Variants in PCDH15 observed in about 807,000 individuals in gnomAD.
The protein encoded by PCDH15 is protocadherin-15.
Under a neutral mutation model 178.5 loss-of-function variants are expected in PCDH15, and 129 were observed. The observed-to-expected ratio is 0.72, with a 90% confidence interval of 0.63 to 0.84. PCDH15 has a LOEUF of 0.84. PCDH15 is among the 40% of genes least tolerant of loss of function. The pLI, the probability that PCDH15 is intolerant of heterozygous loss-of-function variation, is 0.00. For missense variants in PCDH15, 2,230 were observed against 2,099.9 expected, an observed-to-expected ratio of 1.06 and a Z score of -1.21; for synonymous variants, 800 against 732.0, an observed-to-expected ratio of 1.09 and a Z score of -1.50.
rs941667055 is a variant in PCDH15, at chr10:55,211,089, C to A, written c.-155-44438G>T. 3.9e-5 allele frequency among the ~76,000 whole-genome samples: 6 copies of A among 152,076 alleles called. No homozygotes were observed. In the South Asian group the frequency reaches 1.2e-3, roughly 32 times the overall value. The stretch of plus-strand genomic sequence containing the variant: ...GGAGGGAACAGAGACTAGCATCAGC[C>A]CAGCTAGCCTTAGAAATGGCAGGGT... On this transcript the variant is annotated intron_variant, in intron 1 of 5. Coordinates refer to the PCDH15 transcript ENST00000458638.
intron 2 of PCDH15, among the ~76,000 whole-genome samples, chr10:54,657,005 A>G (rs1364657383): frequency 6.6e-6 from 1 of 152,172 alleles, no homozygotes; most frequent in Non-Finnish European, 1.5e-5. Context: ...AGAGGCTTCC[A>G]TGAAGAGTAA....
At chr10:53,835,447 T>C (rs1163256741) in intron 29 of PCDH15, among the ~76,000 whole-genome samples, 1 of 152,170 alleles carries the variant, frequency 6.6e-6, no homozygotes, top group Non-Finnish European at 1.5e-5. Context: ...AATATGGCTA[T>C]TAACAGCAAC....
At chr10:53,909,110 G>A (rs2082885266) in intron 25 of PCDH15, among the ~76,000 whole-genome samples, 1 of 152,162 alleles carries the variant, frequency 6.6e-6, no homozygotes, top group Non-Finnish European at 1.5e-5. Flanking sequence ...GAGGTGATCA[G>A]ATCATGGGGG....
At chr10:54,594,783 CCT>C in intron 2 of PCDH15, among the ~76,000 whole-genome samples, 1 of 152,146 alleles carries the variant, frequency 6.6e-6, no homozygotes, top group Non-Finnish European at 1.5e-5. Context: ...CCCTTCTCCC[CCT>C]GTTGCACTGC....
intron 25 of PCDH15, among the ~76,000 whole-genome samples, chr10:53,935,784 G>A (rs1439678908): frequency 4.6e-5 from 7 of 151,710 alleles, no homozygotes; most frequent in African/African-American, 1.5e-4. Flanking sequence ...TCCTATAGTT[G>A]GTGGACCTCA....
At chr10:54,389,710 G>A (rs867950387) in intron 3 of PCDH15, among the ~76,000 whole-genome samples, 10 of 151,664 alleles carry the variant, frequency 6.6e-5, no homozygotes, top group Non-Finnish European at 1.2e-4. Context: ...AGGCCGAGGC[G>A]GGTGGATCAC....
At chr10:54,143,460 G>A (rs530575624) in intron 14 of PCDH15, among the ~76,000 whole-genome samples, 1 of 152,208 alleles carries the variant, frequency 6.6e-6, no homozygotes, top group African/African-American at 2.4e-5. Context: ...CTTCTTTGGT[G>A]TTCGTGAAAA....
At chr10:54,938,288 T>TCTAGC (rs1564646264) in intron 2 of PCDH15, among the ~76,000 whole-genome samples, 15 of 145,398 alleles carry the variant, frequency 1.0e-4, no homozygotes, top group Admixed American at 3.6e-4. Context: ...AATATTTCGG[T>TCTAGC]TTAGCATAGT....
intron 2 of PCDH15, among the ~76,000 whole-genome samples, chr10:55,116,131 G>A (rs1837623038): frequency 6.6e-6 from 1 of 152,096 alleles, no homozygotes; most frequent in South Asian, 2.1e-4. Flanking sequence ...ATTATGATAG[G>A]ATAGGTAAGT....
intron 7 of PCDH15, among the ~76,000 whole-genome samples, chr10:54,327,767 G>A (rs543819987): frequency 2.6e-5 from 4 of 152,022 alleles, no homozygotes; most frequent in South Asian, 2.1e-4. Flanking sequence ...AGATTACAAC[G>A]CTTAGGAGTC....
intron 5 of PCDH15, among the ~76,000 whole-genome samples, chr10:54,357,271 C>T (rs1341576995): frequency 6.6e-6 from 1 of 152,168 alleles, no homozygotes; most frequent in African/African-American, 2.4e-5. Flanking sequence ...ACCCCACTGT[C>T]TCAGCCCAAA....
intron 1 of PCDH15, among the ~76,000 whole-genome samples, chr10:55,203,203 G>A (rs1396005297): frequency 6.6e-6 from 1 of 152,044 alleles, no homozygotes; most frequent in South Asian, 2.1e-4. Flanking sequence ...AGGGATGAGT[G>A]TCAGCTCTGT....
intron 1 of PCDH15, among the ~76,000 whole-genome samples, chr10:54,727,818 A>G (rs1240985636): frequency 1.3e-5 from 2 of 151,510 alleles, no homozygotes. Flanking sequence ...CTAGTCACAT[A>G]AACTAGAAAA....
chr10:54,732,875 T>G (rs1032648859), intron 1 of PCDH15, among the ~76,000 whole-genome samples: 6 of 151,558 alleles, frequency 4.0e-5, no homozygotes, highest in African/African-American at 1.5e-4. Context: ...AGAGCCTGTT[T>G]CAACATCAGA....
At chr10:54,205,418 T>G (rs1313358926) in intron 10 of PCDH15, among the ~76,000 whole-genome samples, 1 of 151,480 alleles carries the variant, frequency 6.6e-6, no homozygotes, top group Non-Finnish European at 1.5e-5. Context: ...TCACTGAAGC[T>G]CTACAAAAGC....
intron 2 of PCDH15, among the ~76,000 whole-genome samples, chr10:54,609,997 A>G (rs528152926): frequency 2.0e-5 from 3 of 152,072 alleles, no homozygotes; most frequent in African/African-American, 7.2e-5. Context: ...TGATACTTTT[A>G]TTAACAATAC....
chr10:54,694,912 G>T (rs1373183461), intron 1 of PCDH15, among the ~76,000 whole-genome samples: 2 of 152,068 alleles, frequency 1.3e-5, no homozygotes, highest in East Asian at 3.9e-4. Flanking sequence ...CATGTTGAAA[G>T]CCCAGAGGCC....
At chr10:55,169,627 T>C (rs1170348372) in intron 1 of PCDH15, among the ~76,000 whole-genome samples, 3 of 152,184 alleles carry the variant, frequency 2.0e-5, no homozygotes, top group African/African-American at 7.2e-5. Context: ...GGCAATACTT[T>C]GATTTGTGAA....
chr10:54,395,572 G>A (rs1447935559), intron 3 of PCDH15, among the ~76,000 whole-genome samples: 1 of 151,602 alleles, frequency 6.6e-6, no homozygotes, highest in South Asian at 2.1e-4. Context: ...GCAAAAAATG[G>A]ATTTTGTTAT....
Sources: allele counts gnomAD v4.1 joint callset (sites outside exome capture counted in the v4.1 genomes callset), GRCh38; gene constraint gnomAD v4.1.1; transcripts MANE v1.5; gene names NCBI Gene and HGNC (gene_info 2026-07-23, HGNC 2026-07-21).